Variants in SNX25 observed in about 807,000 individuals in gnomAD.
The protein encoded by SNX25 is sorting nexin 25.
A neutral mutation model predicts 113.7 loss-of-function variants in SNX25; 62 were observed. The observed-to-expected ratio is 0.55, with a 90% CI of 0.44 to 0.67. The LOEUF (loss-of-function observed/expected upper bound fraction) is 0.67. Ranked by LOEUF, SNX25 falls within the 30% of genes least tolerant of loss-of-function variation. SNX25 has a pLI of 0.00. For synonymous variants in SNX25, 421 were observed against 436.2 expected (o/e 0.97, Z 0.43); for missense variants, 1,014 against 1,161.0 (o/e 0.87, Z 1.84).
intron 7 of SNX25, among the ~76,000 whole-genome samples, chr4:185,319,100 ATT>A (rs70962561): frequency 4.3e-5 from 5 of 116,626 alleles, no homozygotes; most frequent in South Asian, 4.9e-4. Flanking sequence ...TATTTTTTTT[ATT>A]TTTTTTTTTT....
intron 7 of SNX25, among the ~76,000 whole-genome samples, chr4:185,317,014 G>A (rs2095079604): frequency 6.6e-6 from 1 of 152,136 alleles, no homozygotes; most frequent in African/African-American, 2.4e-5. Flanking sequence ...ACTAGGAGCT[G>A]ATAGAAAATG....
chr4:185,323,203 A>G (rs559113799), intron 8 of SNX25, among the ~76,000 whole-genome samples: 3 of 152,310 alleles, frequency 2.0e-5, no homozygotes, highest in African/African-American at 7.2e-5. Flanking sequence ...GACATTAGCT[A>G]ATACATTTTC....
intron 5 of SNX25, among the ~76,000 whole-genome samples, chr4:185,274,208 G>A (rs1216633310): frequency 6.6e-6 from 1 of 151,876 alleles, no homozygotes; most frequent in Non-Finnish European, 1.5e-5. Context: ...CTACAGGTGC[G>A]CCCCACCACG....
intron 16 of SNX25, among the ~76,000 whole-genome samples, chr4:185,358,974 T>C (rs1028186165): frequency 6.6e-6 from 1 of 152,178 alleles, no homozygotes; most frequent in South Asian, 2.1e-4. Flanking sequence ...TAAAGAACAT[T>C]TGCTATTTTT....
intron 1 of SNX25, among the ~76,000 whole-genome samples, chr4:185,221,825 T>C (rs3112898): frequency 0.65 from 98,621 of 151,300 alleles, 32,226 homozygotes; most frequent in East Asian, 0.75. Context: ...GCCCCCTTTA[T>C]CTAGTTAACT....
chr4:185,247,257 C>G, intron 1 of SNX25, 37 bp from the exon 2 acceptor site: 1 of 1,351,862 alleles, frequency 7.4e-7, no homozygotes, highest in Non-Finnish European at 1.0e-6. Flanking sequence ...TTTATTCATT[C>G]AGTAATCTGC....
intron 8 of SNX25, among the ~76,000 whole-genome samples, chr4:185,322,887 G>C (rs1208426127): frequency 1.3e-5 from 2 of 152,174 alleles, no homozygotes; most frequent in East Asian, 3.8e-4. Context: ...GTATGCCTTT[G>C]CTCTTTACTA....
chr4:185,377,304 A>G, the SNX25 span: 1 of 319,578 alleles, frequency 3.1e-6, no homozygotes, highest in East Asian at 6.1e-5. Flanking sequence ...GGATCACCTG[A>G]GTTTGGGAGT....
intron 1 of SNX25, among the ~76,000 whole-genome samples, chr4:185,215,560 T>C (rs928373860): frequency 6.6e-6 from 1 of 152,224 alleles, no homozygotes; most frequent in African/African-American, 2.4e-5. Context: ...GGAGACTATT[T>C]ACAGCCTCTT....
At chr4:185,281,503 A>G (rs953781613) in intron 5 of SNX25, among the ~76,000 whole-genome samples, 1 of 152,198 alleles carries the variant, frequency 6.6e-6, no homozygotes. Flanking sequence ...TAGAAACAGG[A>G]TTTGAACACA....
intron 9 of SNX25, among the ~76,000 whole-genome samples, chr4:185,326,404 C>G (rs2095157530): frequency 6.6e-6 from 1 of 152,076 alleles, no homozygotes; most frequent in African/African-American, 2.4e-5. Context: ...AGCTTTATAG[C>G]TGATTATAAA....
chr4:185,303,705 A>C (rs1188944084), intron 6 of SNX25, among the ~76,000 whole-genome samples: 4 of 148,710 alleles, frequency 2.7e-5, no homozygotes, highest in Non-Finnish European at 6.0e-5. Flanking sequence ...CACAGTGGGC[A>C]CACCCTGGCC....
chr4:185,266,104 T>C (rs1394265298), intron 4 of SNX25, among the ~76,000 whole-genome samples: 1 of 152,214 alleles, frequency 6.6e-6, no homozygotes, highest in Non-Finnish European at 1.5e-5. Flanking sequence ...TCTCATTTAC[T>C]ATCTCAGGAT....
chr4:185,335,316 TCACACA>T (rs3047486), intron 10 of SNX25, among the ~76,000 whole-genome samples: 3,019 of 140,852 alleles, frequency 0.021, 41 homozygotes, highest in African/African-American at 0.03. Flanking sequence ...TGAAAAAGTC[TCACACA>T]CACACACACA....
chr4:185,233,101 T>C (rs1415756018), intron 1 of SNX25, among the ~76,000 whole-genome samples: 3 of 152,022 alleles, frequency 2.0e-5, no homozygotes, highest in East Asian at 1.9e-4. Flanking sequence ...CTGGCCAACA[T>C]GGTGAAACCC....
At chr4:185,326,176 T>G (rs1406579912) in intron 9 of SNX25, among the ~76,000 whole-genome samples, 1 of 152,190 alleles carries the variant, frequency 6.6e-6, no homozygotes, top group Non-Finnish European at 1.5e-5. Flanking sequence ...AAAAGTTACT[T>G]TGACTTTGAA....
In SNX25 at chr4:185,332,670, G is replaced by A. The variant is rs1272017056; in HGVS notation, c.1825G>A (p.Val609Ile). Residue 609 changes from valine (V) to isoleucine (I), a missense_variant, in exon 10 of 19, where the codon GTA becomes ATA. Val to Ile is a conservative substitution (Grantham distance 29). Transcript: ENST00000652585. ...NQINEQASFA[V>I]NKLRELNEKL... Reference sequence around the variant, plus strand: ...GATCAATGAACAAGCCAGTTTTGCTGTAAACAAACTGCGAGAACTAAATGA... The same window carrying A: ...GATCAATGAACAAGCCAGTTTTGCTATAAACAAACTGCGAGAACTAAATGA... 1 of 1,614,010 alleles carries A rather than the reference G, an allele frequency of 6.2e-7. No individual in the cohort carries two copies. Among genetic ancestry groups the A allele is most frequent in the Non-Finnish European group, 8.5e-7 (1 of 1,180,010 alleles).
chr4:185,301,909 T>C (rs1466292359), intron 6 of SNX25, among the ~76,000 whole-genome samples: 5 of 146,856 alleles, frequency 3.4e-5, no homozygotes, highest in African/African-American at 1.3e-4. Flanking sequence ...TTTTTTCTTC[T>C]TTTTTTTTGA....
chr4:185,328,528 G>C (rs1477652586), intron 9 of SNX25, among the ~76,000 whole-genome samples: 2 of 152,130 alleles, frequency 1.3e-5, no homozygotes, highest in Admixed American at 1.3e-4. Context: ...AAAACATAAA[G>C]GCCTTTTGAA....
Sources: allele counts gnomAD v4.1 joint callset (sites outside exome capture counted in the v4.1 genomes callset), GRCh38; gene constraint gnomAD v4.1.1; transcripts MANE v1.5; gene names NCBI Gene and HGNC (gene_info 2026-07-23, HGNC 2026-07-21).